The following USP54 variants were observed in gnomAD, a reference collection of about 807,000 sequenced individuals.
USP54 encodes the protein ubiquitin specific peptidase 54.
Under a neutral mutation model 170.5 loss-of-function variants are expected in USP54, and 87 were observed. That is an observed-to-expected ratio of 0.51 (90% CI 0.43 to 0.61). The LOEUF is 0.61. Ranked by LOEUF, USP54 falls within the 20% of genes least tolerant of loss-of-function variation. The pLI is 0.00. For synonymous variants in USP54, 655 were observed against 742.8 expected (o/e 0.88, Z 1.92); for missense variants, 1,786 against 2,047.8 (o/e 0.87, Z 2.47).
At chr10:73,530,914 T>C in intron 12 of USP54, 79 bp from the exon 13 acceptor site, 1 of 1,577,286 alleles carries the variant, frequency 6.3e-7, no homozygotes, top group Non-Finnish European at 8.6e-7. Context: ...TAATCTCCCT[T>C]TGGGAGTGCC....
rs770501386 is a variant in USP54 at position 73,575,613 on chromosome 10, G to A, written c.46C>T (p.Gln16Ter). 3 of 1,613,296 alleles carry A rather than the reference G, an allele frequency of 1.9e-6. No homozygotes were observed. Residue 16 changes from glutamine (Q) to a stop codon, truncating the protein, a stop_gained, in exon 3 of 24, where the codon CAA becomes TAA. Transcript: ENST00000687698. LOFTEE classifies it high-confidence loss of function. ...NYFSGGRGSV[Q>*]GMFAPRSSTS... ...GAGCTTCGAGGTGCAAACATCCCTT[G>A]TACACTACCACGACCCCCTGAAAAA...
chr10:73,521,761 C>T (rs775520206), intron 17 of USP54, among the ~76,000 whole-genome samples: 2 of 152,204 alleles, frequency 1.3e-5, no homozygotes, highest in African/African-American at 2.4e-5. Context: ...AAAGAAGTCA[C>T]CTTCCCATAC....
intron 9 of USP54, 38 bp downstream of exon 9, chr10:73,541,337 A>AGT: frequency 6.2e-7 from 1 of 1,612,838 alleles, no homozygotes. Flanking sequence ...CTAAGACGCA[A>AGT]GAACTCAAAG....
At position 73,529,878 on chromosome 10, in the gene USP54, G is replaced by T; in HGVS notation, c.1862C>A (p.Pro621Gln). 3 of 1,545,812 alleles carry T rather than the reference G, an allele frequency of 1.9e-6. No homozygotes were observed. The highest frequency in any genetic ancestry group is 2.3e-5 in the East Asian group (1 of 44,286). The change falls in exon 15 of 24, where the codon CCA (proline) becomes CAA (glutamine). Residue 621 changes from proline (P) to glutamine (Q), a missense_variant. Pro to Gln is a moderately conservative substitution (Grantham distance 76). Coordinates refer to ENST00000687698, the MANE Select transcript of USP54 (RefSeq NM_001391956.1). ...KEFIPDEPSK[P>Q]PSYDIKFGGP... ...ACCAAATTTAATGTCGTAAGAAGGT[G>T]GCTTGCTTGGTTCATCTGGTATAAA...
intron 1 of USP54, among the ~76,000 whole-genome samples, chr10:73,621,415 T>C (rs1301188479): frequency 7.1e-6 from 1 of 140,824 alleles, no homozygotes; most frequent in Non-Finnish European, 1.5e-5. Context: ...TCCTGGCTAA[T>C]ATAATGAAAC....
intron 4 of USP54, among the ~76,000 whole-genome samples, chr10:73,570,702 C>T (rs554743332): frequency 5.5e-4 from 84 of 151,634 alleles, no homozygotes; most frequent in Admixed American, 4.6e-4. Flanking sequence ...TGTGCCACCT[C>T]ACCCGTTGTA....
At chr10:73,610,643 T>C (rs544555589) in intron 1 of USP54, among the ~76,000 whole-genome samples, 1 of 146,306 alleles carries the variant, frequency 6.8e-6, no homozygotes, top group East Asian at 2.0e-4. Context: ...TCTGAGACAG[T>C]TCTGTCTCAG....
chr10:73,536,321 G>A lies in USP54; in HGVS notation c.1092C>T (p.Pro364=). The A allele has an allele frequency of 2.5e-6, 4 of 1,614,150 alleles. No individual in the cohort carries two copies. Among genetic ancestry groups the A allele is most frequent in the Non-Finnish European group, 3.4e-6 (4 of 1,180,010 alleles). The change falls in exon 11 of 24, where the codon CCC becomes CCT. Residue 364 remains proline, a synonymous_variant. Coordinates refer to ENST00000687698, the MANE Select transcript of USP54 (RefSeq NM_001391956.1). ...GTPVSTQDLP[P]QAEFQSYSRT... is the part of the protein sequence containing the mutation. ...TGCTGTATGACTGGAACTCAGCTTG[G>A]GGAGGCAGGTCCTGGGTGGAAACTG...
At chr10:73,598,683 G>A (rs1027235749) in intron 1 of USP54, among the ~76,000 whole-genome samples, 4 of 151,926 alleles carry the variant, frequency 2.6e-5, no homozygotes, top group Admixed American at 2.0e-4. Context: ...AGGCCGAGGC[G>A]GGTGGATCAC....
intron 22 of USP54, among the ~76,000 whole-genome samples, chr10:73,503,193 A>G (rs2133144820): frequency 6.6e-6 from 1 of 152,298 alleles, no homozygotes; most frequent in Middle Eastern, 3.4e-3. Flanking sequence ...AATTCAGTTA[A>G]TATTTGCTCA....
At chr10:73,548,229 C>T (rs2068317121) in intron 4 of USP54, among the ~76,000 whole-genome samples, 1 of 152,108 alleles carries the variant, frequency 6.6e-6, no homozygotes, top group Non-Finnish European at 1.5e-5. Flanking sequence ...AGTCAGGAAA[C>T]AACAGATGCT....
At chr10:73,536,923 T>G (rs1380772385) in intron 10 of USP54, among the ~76,000 whole-genome samples, 1 of 152,222 alleles carries the variant, frequency 6.6e-6, no homozygotes, top group African/African-American at 2.4e-5. Context: ...GACATTCAGT[T>G]TCAGAGTTCG....
upstream of USP54, among the ~76,000 whole-genome samples, chr10:73,596,312 G>C (rs367577902): frequency 1.2e-4 from 18 of 151,990 alleles, no homozygotes; most frequent in South Asian, 3.3e-3. Flanking sequence ...AATCCCAGCA[G>C]TTTGGGAGGC....
chr10:73,523,492 A>G, intron 17 of USP54, 91 bp downstream of exon 17: 1 of 1,418,306 alleles, frequency 7.1e-7, no homozygotes, highest in South Asian at 1.7e-5. Flanking sequence ...ATTTTGCTAA[A>G]GAGAAGACAG....
chr10:73,504,111 AT>A (rs2058661947), intron 22 of USP54: 1 of 152,264 alleles, frequency 6.6e-6, no homozygotes, highest in Admixed American at 6.5e-5. Flanking sequence ...TTCACCATAT[AT>A]GCTTTTATAC....
At chr10:73,579,246 C>T (rs1468331727) in intron 1 of USP54, among the ~76,000 whole-genome samples, 1 of 151,638 alleles carries the variant, frequency 6.6e-6, no homozygotes, top group African/African-American at 2.4e-5. Flanking sequence ...CCACTGCACC[C>T]GGACAAAGAT....
intron 4 of USP54, among the ~76,000 whole-genome samples, chr10:73,560,663 CAAAAAAAAAA>C (rs751168962): frequency 1.4e-3 from 23 of 16,472 alleles, no homozygotes; most frequent in East Asian, 6.2e-3. Flanking sequence ...AACTCCGTCT[CAAAAAAAAAA>C]AAAAAAAAAA....
chr10:73,563,396 T>G (rs1285701498), intron 4 of USP54, among the ~76,000 whole-genome samples: 1 of 152,182 alleles, frequency 6.6e-6, no homozygotes, highest in East Asian at 1.9e-4. Context: ...AAGGCCTGTT[T>G]GTAGCTTTGT....
chr10:73,599,594 A>G (rs951255765), intron 1 of USP54, among the ~76,000 whole-genome samples: 3 of 152,190 alleles, frequency 2.0e-5, no homozygotes, highest in Admixed American at 2.0e-4. Context: ...GCACCCCGAA[A>G]TGTAATTCAT....
Sources: allele counts gnomAD v4.1 joint callset (sites outside exome capture counted in the v4.1 genomes callset), GRCh38; gene constraint gnomAD v4.1.1; transcripts MANE v1.5; gene names NCBI Gene and HGNC (gene_info 2026-07-23, HGNC 2026-07-21).